Variants in DPYD observed in about 807,000 individuals in gnomAD.
The protein encoded by DPYD is dihydropyrimidine dehydrogenase, also known as dihydropyrimidine dehydrogenase [NADP(+)].
A neutral mutation model predicts 116.2 loss-of-function variants in DPYD; 109 were observed. The ratio of observed to expected loss-of-function variants is 0.94; its 90% CI spans 0.80 to 1.10. The LOEUF is 1.10. Ranked by LOEUF, DPYD falls within the 50% of genes least tolerant of loss-of-function variation. The pLI, the probability that DPYD is intolerant of heterozygous loss-of-function variation, is 0.00. For missense variants in DPYD, 1,302 were observed against 1,254.5 expected (o/e 1.04, Z -0.57); for synonymous variants, 440 against 432.0 (o/e 1.02, Z -0.23).
chr1:97,561,937 C>T (rs1652181207), intron 11 of DPYD, among the ~76,000 whole-genome samples: 1 of 152,112 alleles, frequency 6.6e-6, no homozygotes, highest in South Asian at 2.1e-4. Flanking sequence ...TATGTTACAC[C>T]AGAAATTTAT....
intron 13 of DPYD, among the ~76,000 whole-genome samples, chr1:97,512,923 G>A (rs1038800658): frequency 1.3e-5 from 2 of 151,756 alleles, no homozygotes; most frequent in African/African-American, 4.8e-5. Flanking sequence ...TGAAGAGGAA[G>A]AATATAGTTA....
At chr1:97,250,136 G>C (rs1662990086) in intron 18 of DPYD, among the ~76,000 whole-genome samples, 1 of 152,076 alleles carries the variant, frequency 6.6e-6, no homozygotes, top group African/African-American at 2.4e-5. Flanking sequence ...CGGGTGTGGT[G>C]GTGTGTGCCT....
In DPYD at chr1:97,206,664, AT is replaced by A. The variant is rs1659638635; in HGVS notation, c.2443-13417del. Among the ~76,000 whole-genome samples, 94 of 118,450 alleles carry A rather than the reference AT, an allele frequency of 7.9e-4. 3 individuals carry two copies. Among genetic ancestry groups the A allele is most frequent in the African/African-American group, 2.1e-3 (70 of 33,768 alleles). The allele number at this position is 118,450 out of a possible 152,430, so 77.7% of individuals were successfully genotyped here. ...TATATATATATATATATATATATAT[AT>A]ATATATATATATATATATATATAAT... On this transcript the variant is annotated intron_variant, in intron 19 of 22. Coordinates refer to ENST00000370192, the MANE Select transcript of DPYD (RefSeq NM_000110.4).
intron 14 of DPYD, among the ~76,000 whole-genome samples, chr1:97,389,330 A>G (rs1291557958): frequency 6.6e-6 from 1 of 151,744 alleles, no homozygotes; most frequent in Non-Finnish European, 1.5e-5. Flanking sequence ...AAAAACGAAG[A>G]AAGAAAAGAA....
chr1:97,145,245 G>T (rs1333089936), intron 20 of DPYD, among the ~76,000 whole-genome samples: 1 of 151,952 alleles, frequency 6.6e-6, no homozygotes, highest in Non-Finnish European at 1.5e-5. Flanking sequence ...TAGCCTCAAG[G>T]TGCATAAACA....
At chr1:97,861,128 C>CA (rs1004291167) in intron 2 of DPYD, among the ~76,000 whole-genome samples, 25 of 151,850 alleles carry the variant, frequency 1.6e-4, no homozygotes, top group Admixed American at 5.9e-4. Flanking sequence ...AAATACACCG[C>CA]AAAAAATAGA....
chr1:97,117,995 TTTAA>T (rs1652113153), intron 20 of DPYD, among the ~76,000 whole-genome samples: 1 of 152,234 alleles, frequency 6.6e-6, no homozygotes, highest in African/African-American at 2.4e-5. Context: ...CTTTTCACTA[TTTAA>T]TTCTCTCCTG....
intron 1 of DPYD, among the ~76,000 whole-genome samples, chr1:97,912,358 A>G (rs1673988692): frequency 6.6e-6 from 1 of 152,142 alleles, no homozygotes; most frequent in Non-Finnish European, 1.5e-5. Context: ...AATAAGAGAG[A>G]GGCTTGAATA....
intron 12 of DPYD, among the ~76,000 whole-genome samples, chr1:97,537,878 A>G (rs1048297697): frequency 2.0e-5 from 3 of 152,188 alleles, no homozygotes; most frequent in Non-Finnish European, 4.4e-5. Flanking sequence ...TGAGACTAAA[A>G]TCACTTTTTA....
intron 3 of DPYD, among the ~76,000 whole-genome samples, chr1:97,771,296 A>G (rs544407130): frequency 1.3e-5 from 2 of 152,366 alleles, no homozygotes; most frequent in South Asian, 2.1e-4. Flanking sequence ...TTAATTTTGG[A>G]AAGTAAATGA....
At chr1:97,791,254 A>G (rs1042641213) in intron 3 of DPYD, among the ~76,000 whole-genome samples, 5 of 152,204 alleles carry the variant, frequency 3.3e-5, no homozygotes, top group African/African-American at 1.2e-4. Flanking sequence ...TCATTGTGAC[A>G]ATCATTTCCA....
chr1:97,595,545 G>A (rs1654825374), intron 8 of DPYD, among the ~76,000 whole-genome samples: 1 of 151,314 alleles, frequency 6.6e-6, no homozygotes, highest in African/African-American at 2.4e-5. Context: ...TTAAAAATGG[G>A]TACATATTTA....
At chr1:97,805,566 A>G (rs1333721) in intron 3 of DPYD, among the ~76,000 whole-genome samples, 4,686 of 151,906 alleles carry the variant, frequency 0.031, 235 homozygotes, top group African/African-American at 0.1. Context: ...AAGGAATTTC[A>G]CCTTCTAGGC....
At chr1:97,112,797 A>C (rs1651697430) in intron 20 of DPYD, among the ~76,000 whole-genome samples, 1 of 152,166 alleles carries the variant, frequency 6.6e-6, no homozygotes, top group African/African-American at 2.4e-5. Flanking sequence ...TTGGACAAGT[A>C]AGAAAAGGAC....
intron 13 of DPYD, among the ~76,000 whole-genome samples, chr1:97,457,795 A>C (rs1676771479): frequency 6.6e-6 from 1 of 152,210 alleles, no homozygotes; most frequent in Non-Finnish European, 1.5e-5. Flanking sequence ...TAAGGAGTTC[A>C]AACTTTTTCT....
At chr1:97,576,884 A>G (rs1252655758) in intron 10 of DPYD, among the ~76,000 whole-genome samples, 4 of 152,330 alleles carry the variant, frequency 2.6e-5, no homozygotes, top group African/African-American at 7.2e-5. Context: ...TAGACTATTA[A>G]GCAGCAGACA....
intron 14 of DPYD, among the ~76,000 whole-genome samples, chr1:97,426,672 A>G (rs758422328): frequency 3.2e-4 from 49 of 152,152 alleles, no homozygotes; most frequent in Non-Finnish European, 5.3e-4. Flanking sequence ...AGTGACTTCT[A>G]TTTGAGAGAT....
At chr1:97,523,341 C>G (rs1470398558) in intron 12 of DPYD, among the ~76,000 whole-genome samples, 1 of 152,064 alleles carries the variant, frequency 6.6e-6, no homozygotes, top group Non-Finnish European at 1.5e-5. Flanking sequence ...GCTTTCTTCA[C>G]CCTTAGAATT....
At chr1:97,338,890 G>T (rs755732769) in intron 16 of DPYD, among the ~76,000 whole-genome samples, 9 of 152,280 alleles carry the variant, frequency 5.9e-5, no homozygotes, top group Non-Finnish European at 1.2e-4. Flanking sequence ...AAACTTGTGG[G>T]AGGGAGGTCA....
Sources: allele counts gnomAD v4.1 joint callset (sites outside exome capture counted in the v4.1 genomes callset), GRCh38; gene constraint gnomAD v4.1.1; transcripts MANE v1.5; gene names NCBI Gene and HGNC (gene_info 2026-07-23, HGNC 2026-07-21).